Variants in MYRFL observed in about 807,000 individuals in gnomAD.
The protein encoded by MYRFL is myelin regulatory factor-like protein.
A neutral mutation model predicts 109.4 loss-of-function variants in MYRFL; 88 were observed. The ratio of observed to expected loss-of-function variants is 0.80; its 90% CI spans 0.68 to 0.96. The LOEUF (loss-of-function observed/expected upper bound fraction) is 0.96. Ranked by LOEUF, MYRFL falls within the 40% of genes least tolerant of loss-of-function variation. The probability of loss-of-function intolerance (pLI) is 0.00; values close to 1 mark genes in which losing one functional copy is unlikely to be tolerated. For missense variants in MYRFL, 957 were observed against 954.9 expected, an observed-to-expected ratio of 1.00 and a Z score of -0.03; for synonymous variants, 324 against 320.9, an observed-to-expected ratio of 1.01 and a Z score of -0.10.
intron 2 of MYRFL, 23 bp downstream of exon 2, chr12:69,855,393 T>A (rs1413038082): frequency 1.4e-6 from 1 of 701,076 alleles, no homozygotes; most frequent in Admixed American, 2.0e-5. Flanking sequence ...AGCACTGCTC[T>A]CTAGTTGATG....
chr12:69,860,721 A>G (rs1565977013), intron 2 of MYRFL, among the ~76,000 whole-genome samples: 1 of 151,768 alleles, frequency 6.6e-6, no homozygotes, highest in East Asian at 1.9e-4. Flanking sequence ...AACTCTTCAT[A>G]TAGATTTATT....
chr12:69,858,301 C>A lies in MYRFL; in HGVS notation c.137+2931C>A, dbSNP rs549138750. 5.9e-5 allele frequency among the ~76,000 whole-genome samples: 9 copies of A among 151,892 alleles called. No individual in the cohort carries two copies. The South Asian group carries it at 1.9e-3, about 32-fold the overall frequency. On this transcript the variant is annotated intron_variant, in intron 2 of 24. Transcript: ENST00000552032. ...CATCTATGTTTATGAGAATATTGAT[C>A]ACAGTTTTGTTTTTTTATATTTTAT...
rs151262486 is a variant in MYRFL at position 69,879,376 on chromosome 12, C to G, written c.387C>G (p.Thr129=). 688 of 702,936 alleles carry G rather than the reference C, an allele frequency of 9.8e-4. 4 individuals are homozygous for G. The African/African-American group carries it at 0.01, about 10-fold the overall frequency. The allele number at this position is 702,936 out of a possible 1,614,324, so 43.5% of individuals were successfully genotyped here. A position where few individuals can be genotyped will look rare whatever the true frequency, so the allele number is the denominator to read the frequency against. ...SCHSNASHLA[T]PLDQSVSSHL... ...ACTCAAACGCCAGTCATCTTGCCAC[C>G]CCCCTGGACCAATCCGTGTCCTCCC... The change falls in exon 4 of 25, where the codon ACC becomes ACG. Residue 129 remains threonine, a synonymous_variant. Transcript: ENST00000552032.
chr12:69,874,048 T>C (rs1885513067), intron 2 of MYRFL, among the ~76,000 whole-genome samples: 1 of 152,242 alleles, frequency 6.6e-6, no homozygotes, highest in Non-Finnish European at 1.5e-5. Flanking sequence ...ATCAACAATG[T>C]AGTTCCATTG....
chr12:69,887,586 C>G (rs1269049476), intron 6 of MYRFL, among the ~76,000 whole-genome samples: 1 of 152,140 alleles, frequency 6.6e-6, no homozygotes. Flanking sequence ...ATCCTTTAGA[C>G]TTCTTTATTT....
intron 1 of MYRFL, among the ~76,000 whole-genome samples, chr12:69,850,376 A>ATATTAATTTT (rs1166982497): frequency 1.3e-5 from 2 of 151,818 alleles, no homozygotes; most frequent in African/African-American, 2.4e-5. Flanking sequence ...TTAATATAAA[A>ATATTAATTTT]TATTAATTTT....
chr12:69,899,225 C>G (rs976587236), intron 10 of MYRFL, among the ~76,000 whole-genome samples: 2 of 141,244 alleles, frequency 1.4e-5, no homozygotes, highest in African/African-American at 2.7e-5. Flanking sequence ...TTCATCCCCC[C>G]ACTAGAAATA....
At chr12:69,892,690 A>G (rs1285616555) in intron 7 of MYRFL, among the ~76,000 whole-genome samples, 4 of 152,248 alleles carry the variant, frequency 2.6e-5, no homozygotes, top group African/African-American at 9.6e-5. Context: ...ACAAAAACCA[A>G]AATACATATA....
intron 5 of MYRFL, among the ~76,000 whole-genome samples, chr12:69,883,722 A>AT (rs902590764): frequency 6.6e-6 from 1 of 151,426 alleles, no homozygotes; most frequent in Non-Finnish European, 1.5e-5. Flanking sequence ...AAAAAAAAAA[A>AT]AAAAATTAGC....
At chr12:69,840,299 A>G (rs1317907728) in intron 1 of MYRFL, among the ~76,000 whole-genome samples, 1 of 152,218 alleles carries the variant, frequency 6.6e-6, no homozygotes, top group Non-Finnish European at 1.5e-5. Context: ...GCAGGTAATT[A>G]ATTTCATGCT....
intron 2 of MYRFL, among the ~76,000 whole-genome samples, chr12:69,877,183 C>G (rs2034548284): frequency 6.6e-6 from 1 of 151,948 alleles, no homozygotes; most frequent in African/African-American, 2.4e-5. Context: ...GCCACCACGC[C>G]TGGCTCATTT....
rs143045904 is a variant in MYRFL, at chr12:69,860,463, T to C, written c.137+5093T>C. 2.6e-3 allele frequency among the ~76,000 whole-genome samples: 393 copies of C among 152,318 alleles called. 5 individuals carry two copies. The highest frequency in any genetic ancestry group is 8.7e-3 in the African/African-American group (362 of 41,572). On this transcript the variant is annotated intron_variant, in intron 2 of 24. Transcript: ENST00000552032. ...CCATCCTTTAATTGTAACCTATATA[T>C]ATCAAATTAGTTTTTTTATTCAGCG...
intron 13 of MYRFL, among the ~76,000 whole-genome samples, chr12:69,916,312 G>T (rs1954726654): frequency 6.6e-6 from 1 of 152,106 alleles, no homozygotes; most frequent in African/African-American, 2.4e-5. Flanking sequence ...GAAGAAAGCT[G>T]GAGACGGGGC....
intron 10 of MYRFL, among the ~76,000 whole-genome samples, chr12:69,902,707 A>G (rs1408611648): frequency 6.6e-6 from 1 of 152,258 alleles, no homozygotes; most frequent in East Asian, 1.9e-4. Flanking sequence ...TGAGGGATTT[A>G]GAGATGCTTA....
At chr12:69,937,197 C>T (rs1490602949) in intron 19 of MYRFL, among the ~76,000 whole-genome samples, 1 of 152,002 alleles carries the variant, frequency 6.6e-6, no homozygotes, top group Non-Finnish European at 1.5e-5. Context: ...AGTATAGAAA[C>T]TTAATCAAGG....
chr12:69,851,236 G>T (rs1401597946), intron 1 of MYRFL, among the ~76,000 whole-genome samples: 4 of 152,112 alleles, frequency 2.6e-5, no homozygotes, highest in Non-Finnish European at 5.9e-5. Context: ...GGAAAAAATT[G>T]TCTATAAATG....
At chr12:69,932,419 C>T in intron 15 of MYRFL, 94 bp from the exon 16 acceptor site, 1 of 774,412 alleles carries the variant, frequency 1.3e-6, no homozygotes. Context: ...CCCAAGAGAG[C>T]AGCAAATACC....
At chr12:69,894,185 A>G (rs1339149973) in intron 8 of MYRFL, among the ~76,000 whole-genome samples, 1 of 151,822 alleles carries the variant, frequency 6.6e-6, no homozygotes, top group South Asian at 2.1e-4. Flanking sequence ...TTTAGTAGAG[A>G]TGGGGTTTCA....
chr12:69,891,622 TCCTC>T (rs1420615808), intron 7 of MYRFL, among the ~76,000 whole-genome samples: 52 of 84,634 alleles, frequency 6.1e-4, no homozygotes, highest in Non-Finnish European at 9.4e-4. Flanking sequence ...TTTCTTTCTT[TCCTC>T]CTTCCTTTCT....
Sources: allele counts gnomAD v4.1 joint callset (sites outside exome capture counted in the v4.1 genomes callset), GRCh38; gene constraint gnomAD v4.1.1; transcripts MANE v1.5; gene names NCBI Gene and HGNC (gene_info 2026-07-23, HGNC 2026-07-21).